The following DENND6B variants were observed in gnomAD, a reference collection of about 807,000 sequenced individuals.
DENND6B encodes DENN domain containing 6B.
Under a neutral mutation model 85.1 loss-of-function variants are expected in DENND6B, and 73 were observed. That is an observed-to-expected ratio of 0.86 (90% CI 0.71 to 1.04). The LOEUF (loss-of-function observed/expected upper bound fraction) is 1.04, where lower values mean the gene tolerates loss of function less well. Among genes scored for constraint, DENND6B ranks in the 50% least tolerant of loss-of-function variants. DENND6B has a pLI of 0.00. For missense variants in DENND6B, 715 were observed against 785.8 expected (o/e 0.91, Z 1.08); for synonymous variants, 357 against 329.3 (o/e 1.08, Z -0.91).
rs774959098 is a variant in DENND6B at position 50,312,643 on chromosome 22, C to G, written c.1458-18G>C. 2 of 1,550,426 alleles carry G rather than the reference C, an allele frequency of 1.3e-6. No individual in the cohort carries two copies. Among genetic ancestry groups the G allele is most frequent in the Admixed American group, 1.9e-5 (1 of 51,292 alleles). On this transcript the variant is annotated intron_variant, in intron 17 of 19. Coordinates refer to ENST00000413817, the MANE Select transcript of DENND6B (RefSeq NM_001001794.4). ...AAAACCGCCTGTGGGGATTAACAGG[C>G]GGGGGGCCATGGGGCTGACCCTGGG...
chr22:50,313,440 C>G lies in DENND6B; in HGVS notation c.1347+6G>C, dbSNP rs570213316. 1.3e-6 allele frequency: 2 copies of G among 1,537,464 alleles called. No individual in the cohort carries two copies. The highest frequency in any genetic ancestry group is 4.8e-5 in the East Asian group (2 of 41,458). On this transcript the variant is annotated splice_donor_region_variant and intron_variant, in intron 16 of 19. Coordinates refer to ENST00000413817, the MANE Select transcript of DENND6B (RefSeq NM_001001794.4). ...GGACCCCACAAAACCCCCACAGGAC[C>G]CCCACCTTCCAGGGCGTGATGCTCT...
chr22:50,323,082 T>C (rs1186814684), intron 1 of DENND6B, among the ~76,000 whole-genome samples: 1 of 125,528 alleles, frequency 8.0e-6, no homozygotes, highest in African/African-American at 3.1e-5. Context: ...TTAGCCAGAA[T>C]GGTCTTGATC....
chr22:50,324,454 C>T (rs541065835), intron 1 of DENND6B, among the ~76,000 whole-genome samples: 1 of 152,302 alleles, frequency 6.6e-6, no homozygotes, highest in Admixed American at 6.5e-5. Flanking sequence ...GACAGAGTTT[C>T]ACTCTTGTTG....
chr22:50,316,159 C>A lies in DENND6B; in HGVS notation c.639+15G>T. 1 of 1,612,552 alleles carries A rather than the reference C, an allele frequency of 6.2e-7. No homozygotes were observed. Among genetic ancestry groups the A allele is most frequent in the South Asian group, 1.1e-5 (1 of 91,090 alleles). On this transcript the variant is annotated intron_variant, in intron 7 of 19. Transcript: ENST00000413817. ...CACACCTGCAGAGCCTACTCCCCAG[C>A]CAGCTGGCTCTCACCTGGACAACAA...
rs369785879 is a variant in DENND6B at position 50,317,990 on chromosome 22, C to A, written c.290G>T (p.Arg97Leu). ...GCLGDTQFSFRMRQCGGQRSP... is the reference protein window; with the variant it reads ...GCLGDTQFSFLMRQCGGQRSP... ...CCTCTGCCCTCCACACTGGCGCATG[C>A]GGAAGCTGAACTGAGTGTCTCCAAG... The change falls in exon 4 of 20, where the codon CGC (arginine) becomes CTC (leucine). Residue 97 changes from arginine to leucine, a missense_variant. Coordinates refer to ENST00000413817, the MANE Select transcript of DENND6B (RefSeq NM_001001794.4). The A allele has an allele frequency of 1.9e-6, 3 of 1,612,376 alleles. No homozygotes were observed. The highest frequency in any genetic ancestry group is 2.5e-6 in the Non-Finnish European group (3 of 1,179,672).
chr22:50,326,734 G>A (rs1327768463), intron 1 of DENND6B, 78 bp downstream of exon 1: 25 of 1,228,770 alleles, frequency 2.0e-5, no homozygotes, highest in Non-Finnish European at 2.2e-5. Context: ...GGCGGCCGAG[G>A]GCCCCAAGCG....
intron 1 of DENND6B, among the ~76,000 whole-genome samples, chr22:50,321,284 G>C (rs867777313): frequency 1.3e-5 from 2 of 152,302 alleles, no homozygotes; most frequent in East Asian, 3.9e-4. Flanking sequence ...CAGAAGCCGC[G>C]GTGTGTCCTG....
chr22:50,315,575 C>T lies in DENND6B; in HGVS notation c.758+139G>A. The stretch of plus-strand genomic sequence containing the variant: ...GTCCCCACATGGCGCTGGCCATACA[C>T]ACACACACGTGCACACGTGCACTCA... On this transcript the variant is annotated intron_variant, in intron 9 of 19. Transcript: ENST00000413817. 2.8e-6 allele frequency: 3 copies of T among 1,070,456 alleles called. No individual in the cohort carries two copies. The South Asian group carries it at 4.8e-5, about 17-fold the overall frequency. 66.3% of individuals were successfully genotyped at this position (1,070,456 alleles called of 1,614,324 possible).
At chr22:50,312,318 G>C (rs768692873) in intron 19 of DENND6B, 25 bp downstream of exon 19, 4 of 1,611,256 alleles carry the variant, frequency 2.5e-6, no homozygotes. Context: ...TGGTGGCGCT[G>C]GGACAAGGCT....
intron 1 of DENND6B, among the ~76,000 whole-genome samples, chr22:50,323,482 C>T (rs1280045246): frequency 6.6e-6 from 1 of 151,726 alleles, no homozygotes; most frequent in Non-Finnish European, 1.5e-5. Flanking sequence ...GACAGGGTTT[C>T]ACCATGTTGC....
At position 50,312,505 on chromosome 22, in the gene DENND6B, AC is replaced by A; in HGVS notation, c.1560+17del. 1 of 1,572,614 alleles carries A rather than the reference AC, an allele frequency of 6.4e-7. No individual in the cohort carries two copies. The highest frequency in any genetic ancestry group is 8.6e-7 in the Non-Finnish European group (1 of 1,160,298). On this transcript the variant is annotated intron_variant, in intron 18 of 19. Coordinates refer to ENST00000413817, the MANE Select transcript of DENND6B (RefSeq NM_001001794.4). ...CCCCACCATGTTCTGGCCCTCCCCA[AC>A]CCCCAGCCTCTCTCACCGCCTCACA...
intron 2 of DENND6B, 22 bp from the exon 3 acceptor site, chr22:50,318,911 T>C (rs557048935): frequency 6.2e-7 from 1 of 1,612,128 alleles, no homozygotes; most frequent in South Asian, 1.1e-5. Context: ...AAAACCCCGG[T>C]GAGGGCCGAC....
At chr22:50,322,304 G>C (rs963296651) in intron 1 of DENND6B, among the ~76,000 whole-genome samples, 2 of 152,066 alleles carry the variant, frequency 1.3e-5, no homozygotes, top group Admixed American at 1.3e-4. Flanking sequence ...TTGATCTCCT[G>C]ACCTTGTGAT....
intron 9 of DENND6B, 60 bp from the exon 10 acceptor site, chr22:50,314,981 C>A: frequency 6.3e-7 from 1 of 1,588,600 alleles, no homozygotes. Context: ...TGGCTCTGGC[C>A]CCGCTCTCCC....
intron 1 of DENND6B, among the ~76,000 whole-genome samples, chr22:50,325,597 A>C (rs1225309259): frequency 1.3e-5 from 2 of 152,112 alleles, no homozygotes; most frequent in Admixed American, 6.6e-5. Context: ...GGCCTCTCAA[A>C]GTGCTGGGAT....
intron 12 of DENND6B, 59 bp from the exon 13 acceptor site, chr22:50,314,331 G>T: frequency 6.3e-7 from 1 of 1,587,996 alleles, no homozygotes; most frequent in East Asian, 2.3e-5. Context: ...ATCCCCACGG[G>T]CTCTGAGGCG....
At chr22:50,317,071 G>T in intron 5 of DENND6B, 2 of 300,228 alleles carry the variant, frequency 6.7e-6, no homozygotes, top group African/African-American at 4.0e-5. Flanking sequence ...CAGGGTGGGG[G>T]GGGGCGGCGA....
intron 1 of DENND6B, 29 bp from the exon 2 acceptor site, chr22:50,319,032 C>CA (rs1429218057): frequency 1.3e-6 from 2 of 1,579,614 alleles, no homozygotes; most frequent in East Asian, 4.7e-5. Flanking sequence ...TGCTTGGTGA[C>CA]ACCATCTGTC....
intron 1 of DENND6B, among the ~76,000 whole-genome samples, chr22:50,321,816 G>A (rs567599026): frequency 2.6e-5 from 4 of 151,890 alleles, no homozygotes; most frequent in East Asian, 1.9e-4. Context: ...ACAGGCGTGC[G>A]CCCCCACACA....
Sources: gnomAD v4.1 joint callset for allele counts (sites outside exome capture counted in the v4.1 genomes callset) on GRCh38, gnomAD v4.1.1 for gene constraint, MANE v1.5 for transcripts, NCBI Gene and HGNC (gene_info 2026-07-23, HGNC 2026-07-21) for gene names.